Variants in GLG1 observed in about 807,000 individuals in gnomAD.
GLG1 encodes the protein golgi glycoprotein 1.
GLG1 carries 38 observed loss-of-function variants against 160.5 expected under a neutral mutation model. The observed-to-expected ratio is 0.24, with a 90% confidence interval of 0.18 to 0.31. GLG1 has a LOEUF of 0.31. Ranked by LOEUF, GLG1 falls within the 10% of genes least tolerant of loss-of-function variation. The pLI is 1.00. For missense variants in GLG1, 1,373 were observed against 1,505.2 expected (o/e 0.91, Z 1.45); for synonymous variants, 644 against 543.4 (o/e 1.19, Z -2.57).
intron 2 of GLG1, among the ~76,000 whole-genome samples, chr16:74,514,058 A>C (rs1168738984): frequency 6.6e-6 from 1 of 152,216 alleles, no homozygotes; most frequent in Non-Finnish European, 1.5e-5. Context: ...GATCAAATGA[A>C]TGAAATAAAG....
chr16:74,553,064 C>T (rs1165275309), intron 1 of GLG1, among the ~76,000 whole-genome samples: 9 of 151,924 alleles, frequency 5.9e-5, no homozygotes, highest in African/African-American at 2.2e-4. Flanking sequence ...ACTAAAAATA[C>T]AAAAAATTAG....
chr16:74,579,879 A>G (rs779824850), intron 1 of GLG1, among the ~76,000 whole-genome samples: 3 of 151,978 alleles, frequency 2.0e-5, no homozygotes, highest in African/African-American at 4.8e-5. Flanking sequence ...CCTGGCCAAC[A>G]TGGTGAAACC....
At chr16:74,547,771 G>A (rs1475069533) in intron 1 of GLG1, among the ~76,000 whole-genome samples, 4 of 152,290 alleles carry the variant, frequency 2.6e-5, no homozygotes, top group East Asian at 3.9e-4. Context: ...AACTCACAAC[G>A]TTGACATCTG....
intron 1 of GLG1, among the ~76,000 whole-genome samples, chr16:74,554,602 G>C (rs1053647788): frequency 1.2e-4 from 19 of 152,250 alleles, no homozygotes; most frequent in Middle Eastern, 3.4e-3. Flanking sequence ...AATGTAAGAT[G>C]GTCACTTAAA....
intron 3 of GLG1, among the ~76,000 whole-genome samples, chr16:74,508,619 C>T (rs949653279): frequency 1.3e-5 from 2 of 152,124 alleles, no homozygotes; most frequent in African/African-American, 4.8e-5. Context: ...ACCAATAGAA[C>T]CTGATTTCCA....
At chr16:74,603,490 T>G (rs984662733) in intron 1 of GLG1, among the ~76,000 whole-genome samples, 57 of 152,074 alleles carry the variant, frequency 3.7e-4, no homozygotes, top group Admixed American at 6.6e-4. Context: ...GTTGCCAGGC[T>G]GGTACTGAAC....
intron 3 of GLG1, among the ~76,000 whole-genome samples, chr16:74,503,998 G>A (rs4888248): frequency 0.99 from 151,206 of 152,330 alleles, 75,062 homozygotes; most frequent in East Asian, 1. Flanking sequence ...TTTTGCAAAA[G>A]AATACCTACA....
At chr16:74,562,312 T>C (rs1178287681) in intron 1 of GLG1, among the ~76,000 whole-genome samples, 1 of 152,234 alleles carries the variant, frequency 6.6e-6, no homozygotes, top group Non-Finnish European at 1.5e-5. Context: ...AAAATATAAG[T>C]TGACTCATTA....
chr16:74,518,499 G>A (rs1355693505), intron 2 of GLG1, among the ~76,000 whole-genome samples: 2 of 152,252 alleles, frequency 1.3e-5, no homozygotes, highest in African/African-American at 2.4e-5. Context: ...CTAGCCATAT[G>A]CAGAAAACTG....
At chr16:74,461,610 ACTGGTGCAC>A (rs1455152648) in intron 22 of GLG1, 7 of 151,486 alleles carry the variant, frequency 4.6e-5, no homozygotes, top group African/African-American at 1.7e-4. Context: ...AGCTGAGATT[ACTGGTGCAC>A]GCCACCACGC....
intron 3 of GLG1, among the ~76,000 whole-genome samples, chr16:74,505,073 G>A (rs2016546715): frequency 1.3e-5 from 2 of 152,142 alleles, no homozygotes; most frequent in Non-Finnish European, 2.9e-5. Context: ...TGCTTTATTT[G>A]TCCTTTGAAT....
chr16:74,578,338 C>T (rs1597366629), intron 1 of GLG1, among the ~76,000 whole-genome samples: 1 of 152,110 alleles, frequency 6.6e-6, no homozygotes, highest in Admixed American at 6.6e-5. Context: ...TTTGTGGCAC[C>T]GCACAGTCCA....
At chr16:74,596,276 C>A (rs1277648011) in intron 1 of GLG1, among the ~76,000 whole-genome samples, 3 of 151,832 alleles carry the variant, frequency 2.0e-5, no homozygotes, top group Non-Finnish European at 4.4e-5. Flanking sequence ...TGCCTGTAAT[C>A]CCAGCACTTT....
chr16:74,549,466 T>A (rs970650694), intron 1 of GLG1, among the ~76,000 whole-genome samples: 34 of 152,352 alleles, frequency 2.2e-4, no homozygotes, highest in African/African-American at 7.9e-4. Context: ...TCTTGTATTT[T>A]TAGTAGAGAC....
intron 10 of GLG1, among the ~76,000 whole-genome samples, chr16:74,480,740 C>A (rs1034975001): frequency 2.0e-5 from 3 of 151,934 alleles, no homozygotes; most frequent in Admixed American, 6.6e-5. Flanking sequence ...TTTGGTAGAA[C>A]AGAGTCTCGC....
intron 1 of GLG1, among the ~76,000 whole-genome samples, chr16:74,558,656 A>T (rs1228123721): frequency 6.6e-6 from 1 of 152,210 alleles, no homozygotes. Context: ...TTTTATTTTT[A>T]GCTTTAAAAT....
In GLG1 at chr16:74,470,082, T is replaced by A; in HGVS notation, c.2230-9A>T. On this transcript the variant is annotated splice_polypyrimidine_tract_variant and intron_variant, in intron 15 of 25. Coordinates refer to ENST00000422840, the MANE Select transcript of GLG1 (RefSeq NM_001145667.2). The stretch of plus-strand genomic sequence containing the variant: ...AAATCCTTCATCTGCACCTGAAAGG[T>A]AAAGAGAAAGAAAGTCAGAAGTTTT... 6.4e-7 allele frequency: 1 copy of A among 1,569,710 alleles called. No individual in the cohort carries two copies. The highest frequency in any genetic ancestry group is 8.8e-7 in the Non-Finnish European group (1 of 1,140,858).
intron 1 of GLG1, among the ~76,000 whole-genome samples, chr16:74,588,620 T>C (rs1208092542): frequency 3.3e-5 from 5 of 152,062 alleles, no homozygotes; most frequent in Admixed American, 2.0e-4. Context: ...GGTTTCGCCA[T>C]GTTGCCCAGG....
chr16:74,574,452 C>A (rs970814125), intron 1 of GLG1, among the ~76,000 whole-genome samples: 1 of 152,174 alleles, frequency 6.6e-6, no homozygotes, highest in Non-Finnish European at 1.5e-5. Context: ...CTAAACTGCT[C>A]TGTTGACTAG....
Sources: allele counts gnomAD v4.1 joint callset (sites outside exome capture counted in the v4.1 genomes callset), GRCh38; gene constraint gnomAD v4.1.1; transcripts MANE v1.5; gene names NCBI Gene and HGNC (gene_info 2026-07-23, HGNC 2026-07-21).